The following SHF variants were observed in gnomAD, a reference collection of about 807,000 sequenced individuals.
SHF encodes Src homology 2 domain containing F.
A neutral mutation model predicts 42.4 loss-of-function variants in SHF; 30 were observed. The observed-to-expected ratio is 0.71, with a 90% CI of 0.53 to 0.96. The LOEUF is 0.96. Among genes scored for constraint, SHF ranks in the 40% least tolerant of loss-of-function variants. The pLI is 0.00. For synonymous variants in SHF, 264 were observed against 269.9 expected (o/e 0.98, Z 0.21); for missense variants, 598 against 634.0 (o/e 0.94, Z 0.61).
intron 1 of SHF, among the ~76,000 whole-genome samples, chr15:45,186,148 A>T (rs1898384864): frequency 6.6e-6 from 1 of 152,248 alleles, no homozygotes; most frequent in Non-Finnish European, 1.5e-5. Context: ...GCAGGGGACA[A>T]GAAGCAGACG....
chr15:45,192,753 A>G (rs976632975), upstream of SHF, among the ~76,000 whole-genome samples: 1 of 151,982 alleles, frequency 6.6e-6, no homozygotes, highest in African/African-American at 2.4e-5. Context: ...ACAGTCCCCT[A>G]TTCTTTTGTT....
chr15:45,187,850 AC>A lies in SHF; in HGVS notation c.101del (p.Gly34ValfsTer14), dbSNP rs1462814162. 4.7e-6 allele frequency: 5 copies of A among 1,056,320 alleles called. No individual in the cohort carries two copies. Among genetic ancestry groups the A allele is most frequent in the South Asian group, 4.7e-5 (1 of 21,416 alleles). 65.4% of individuals were successfully genotyped at this position (1,056,320 alleles called of 1,614,324 possible). ...GPGGSRRGAG[G>X]AGAGPGGGGS... is the part of the protein sequence containing the mutation. ...CGCCCCCTCCTGGGCCGGCTCCCGC[AC>A]CCCCGGCGCCCCGGCGGGACCCCCC... On this transcript the variant is annotated frameshift_variant, in exon 1 of 7. Transcript: ENST00000690270. LOFTEE classifies it high-confidence loss of function.
At chr15:45,173,263 T>C (rs1595614400) in intron 4 of SHF, among the ~76,000 whole-genome samples, 1 of 152,154 alleles carries the variant, frequency 6.6e-6, no homozygotes, top group African/African-American at 2.4e-5. Flanking sequence ...GCTGTGTCTG[T>C]CCCACCCCCA....
rs1806888391 is a variant in SHF at position 45,167,285 on chromosome 15, C to T, written c.*662G>A. On this transcript the variant is annotated 3_prime_UTR_variant, in exon 7 of 7. Transcript: ENST00000690270. The stretch of plus-strand genomic sequence containing the variant: ...CAGAATCTGCGCTCGCTTCTCCGCT[C>T]CCTCCCCCGTCAGCCCGGGGACGGC... 6.6e-6 allele frequency: 1 copy of T among 152,320 alleles called. No homozygotes were observed. Among genetic ancestry groups the T allele is most frequent in the Non-Finnish European group, 1.5e-5 (1 of 68,124 alleles). The allele number at this position is 152,320 out of a possible 1,614,324, so 9.4% of individuals were successfully genotyped here. A position where few individuals can be genotyped will look rare whatever the true frequency, so the allele number is the denominator to read the frequency against.
At chr15:45,186,995 CA>C (rs1173769556) in intron 1 of SHF, among the ~76,000 whole-genome samples, 2 of 152,210 alleles carry the variant, frequency 1.3e-5, no homozygotes, top group Non-Finnish European at 2.9e-5. Context: ...GAGGAGGAAG[CA>C]AAGAGGCAAC....
chr15:45,198,118 A>C (rs2141456692), intron 2 of SHF, among the ~76,000 whole-genome samples: 1 of 152,110 alleles, frequency 6.6e-6, no homozygotes, highest in Non-Finnish European at 1.5e-5. Context: ...AAACAAACAA[A>C]AAAAAATTAT....
intron 2 of SHF, among the ~76,000 whole-genome samples, chr15:45,176,665 A>G (rs993105147): frequency 6.6e-6 from 1 of 151,720 alleles, no homozygotes; most frequent in East Asian, 1.9e-4. Context: ...GCTTTGACAT[A>G]CCATTGTTTC....
At chr15:45,200,164 C>A (rs573441310) in intron 1 of SHF, among the ~76,000 whole-genome samples, 1 of 152,032 alleles carries the variant, frequency 6.6e-6, no homozygotes, top group African/African-American at 2.4e-5. Context: ...GAAATTTGTA[C>A]GTATGTCTAC....
At chr15:45,188,936 T>C (rs1381102591), upstream of SHF, among the ~76,000 whole-genome samples, 1 of 152,134 alleles carries the variant, frequency 6.6e-6, no homozygotes, top group African/African-American at 2.4e-5. Context: ...CTCACGCCTG[T>C]AATCCCAGCA....
chr15:45,198,745 T>C, intron 2 of SHF: 1 of 1,595,910 alleles, frequency 6.3e-7, no homozygotes, highest in Non-Finnish European at 8.5e-7. Context: ...CCTTCCCAGT[T>C]TGCGCGTCAT....
chr15:45,198,766 A>G, intron 2 of SHF: 2 of 1,606,296 alleles, frequency 1.2e-6, no homozygotes, highest in South Asian at 1.1e-5. Flanking sequence ...TAAATGGCCT[A>G]CTTACGGGGC....
chr15:45,192,353 T>G (rs1459784340), upstream of SHF, among the ~76,000 whole-genome samples: 1 of 147,992 alleles, frequency 6.8e-6, no homozygotes, highest in African/African-American at 2.5e-5. Flanking sequence ...TTTTTCTGAT[T>G]CCAGATTTTT....
chr15:45,197,898 A>G (rs1197078944), intron 2 of SHF, among the ~76,000 whole-genome samples: 1 of 152,186 alleles, frequency 6.6e-6, no homozygotes, highest in Non-Finnish European at 1.5e-5. Context: ...GCAAGGAGGA[A>G]TAGATTCACA....
In SHF at chr15:45,167,827, T is replaced by TTAAGGAGAAGGATA. The variant is rs1897298118; in HGVS notation, c.*119_*120insTATCCTTCTCCTTA. On this transcript the variant is annotated 3_prime_UTR_variant, in exon 7 of 7. Coordinates refer to ENST00000690270, the MANE Select transcript of SHF (RefSeq NM_001394037.1). Reference sequence around the variant, plus strand: ...AATAAATTAAGGAATCTCCAGCTTCTACTGGATCCCAGGAGAAGAAAGGTT... The same window carrying TTAAGGAGAAGGATA: ...AATAAATTAAGGAATCTCCAGCTTCTTAAGGAGAAGGATAACTGGATCCCAGGAGAAGAAAGGTT... The TTAAGGAGAAGGATA allele has an allele frequency of 2.0e-6, 2 of 985,156 alleles. No homozygotes were observed. The highest frequency in any genetic ancestry group is 7.0e-5 in the Admixed American group (2 of 28,384). The allele number at this position is 985,156 out of a possible 1,614,324, so 61.0% of individuals were successfully genotyped here.
At chr15:45,183,058 T>C (rs1309693733) in intron 1 of SHF, among the ~76,000 whole-genome samples, 1 of 152,322 alleles carries the variant, frequency 6.6e-6, no homozygotes, top group South Asian at 2.1e-4. Context: ...ATTCAGGAAG[T>C]AGTAAACTCA....
intron 2 of SHF, among the ~76,000 whole-genome samples, chr15:45,176,251 A>T (rs955556825): frequency 6.6e-6 from 1 of 151,584 alleles, no homozygotes; most frequent in Non-Finnish European, 1.5e-5. Context: ...TTGACATTCC[A>T]TGGTTTCAAA....
At chr15:45,181,865 A>T (rs968200067) in intron 1 of SHF, among the ~76,000 whole-genome samples, 15 of 152,324 alleles carry the variant, frequency 9.8e-5, no homozygotes, top group East Asian at 1.9e-4. Flanking sequence ...AATAAATAAA[A>T]AATAAAACCA....
intron 2 of SHF, 32 bp from the exon 3 acceptor site, chr15:45,175,457 G>T (rs1282775402): frequency 1.3e-6 from 2 of 1,553,528 alleles, no homozygotes; most frequent in East Asian, 4.8e-5. Flanking sequence ...GGAAAGGTGA[G>T]GGTTCAGCCT....
rs1232933425 is a variant in SHF, at chr15:45,185,841, C to T, written c.498+1613G>A. 2.0e-5 allele frequency among the ~76,000 whole-genome samples: 3 copies of T among 152,336 alleles called. No individual in the cohort carries two copies. In the East Asian group the frequency reaches 5.8e-4, roughly 29 times the overall value. On this transcript the variant is annotated intron_variant, in intron 1 of 6. Coordinates refer to ENST00000690270, the MANE Select transcript of SHF (RefSeq NM_001394037.1). Reference sequence around the variant, plus strand: ...ACCCTCACGCCACCCTGATAATGGACAGTCACCATTCAGGACATATTTATG... The same window carrying T: ...ACCCTCACGCCACCCTGATAATGGATAGTCACCATTCAGGACATATTTATG...
Sources: allele counts gnomAD v4.1 joint callset (sites outside exome capture counted in the v4.1 genomes callset), GRCh38; gene constraint gnomAD v4.1.1; transcripts MANE v1.5; gene names NCBI Gene and HGNC (gene_info 2026-07-23, HGNC 2026-07-21).